The following PTPRM variants were observed in gnomAD, a reference collection of about 807,000 sequenced individuals.
PTPRM encodes receptor-type tyrosine-protein phosphatase mu.
Under a neutral mutation model 186.7 loss-of-function variants are expected in PTPRM, and 47 were observed. That is an observed-to-expected ratio of 0.25 (90% CI 0.20 to 0.32). The LOEUF is 0.32. PTPRM is among the 10% of genes least tolerant of loss of function. The pLI is 1.00. For missense variants in PTPRM, 1,494 were observed against 1,865.0 expected, an observed-to-expected ratio of 0.80 and a Z score of 3.66; for synonymous variants, 668 against 674.9, an observed-to-expected ratio of 0.99 and a Z score of 0.16.
intron 3 of PTPRM, among the ~76,000 whole-genome samples, chr18:7,895,427 C>G (rs1197729641): frequency 6.6e-6 from 1 of 152,160 alleles, no homozygotes; most frequent in Non-Finnish European, 1.5e-5. Context: ...GGAACAAATC[C>G]TTTTGTGGAA....
chr18:8,222,451 A>T (rs539992336), intron 14 of PTPRM, among the ~76,000 whole-genome samples: 6 of 152,210 alleles, frequency 3.9e-5, no homozygotes, highest in African/African-American at 1.2e-4. Context: ...TGTCAAGCAT[A>T]TGAGGAAACC....
intron 1 of PTPRM, among the ~76,000 whole-genome samples, chr18:7,723,467 G>T (rs1161062599): frequency 2.0e-5 from 3 of 152,162 alleles, no homozygotes; most frequent in Non-Finnish European, 4.4e-5. Flanking sequence ...TGGCTGGTGT[G>T]AGTGCCCGAG....
chr18:8,119,742 G>T (rs915882403), intron 13 of PTPRM, among the ~76,000 whole-genome samples: 2 of 152,086 alleles, frequency 1.3e-5, no homozygotes, highest in Non-Finnish European at 2.9e-5. Context: ...TTAGGTAAAT[G>T]CTGGCTCAAC....
intron 14 of PTPRM, among the ~76,000 whole-genome samples, chr18:8,162,027 T>C (rs1452265005): frequency 6.6e-6 from 1 of 152,218 alleles, no homozygotes; most frequent in Non-Finnish European, 1.5e-5. Flanking sequence ...TGGACTCTTG[T>C]TGAGCCTCAG....
chr18:8,234,211 CAT>C (rs945449728), intron 14 of PTPRM, among the ~76,000 whole-genome samples: 3 of 152,136 alleles, frequency 2.0e-5, no homozygotes, highest in Non-Finnish European at 4.4e-5. Flanking sequence ...GAAGAATTGA[CAT>C]GTGGACAATA....
At chr18:8,194,282 T>A (rs1238436206) in intron 14 of PTPRM, among the ~76,000 whole-genome samples, 1 of 152,200 alleles carries the variant, frequency 6.6e-6, no homozygotes, top group Non-Finnish European at 1.5e-5. Flanking sequence ...TCCATAATGG[T>A]TTTGTAGTAA....
chr18:8,057,455 CT>C (rs536872014), intron 7 of PTPRM, among the ~76,000 whole-genome samples: 8,705 of 77,818 alleles, frequency 0.11, 361 homozygotes, highest in Middle Eastern at 0.35. Context: ...TTTAGCTATT[CT>C]TTTTTTTTTA....
At chr18:8,113,382 G>T (rs2091837854) in intron 11 of PTPRM, 104 bp from the exon 12 acceptor site, 3 of 1,044,798 alleles carry the variant, frequency 2.9e-6, no homozygotes, top group East Asian at 2.4e-5. Context: ...ACTGCGTCCA[G>T]TGTGTTCTTT....
intron 4 of PTPRM, among the ~76,000 whole-genome samples, chr18:7,907,612 G>A (rs768318660): frequency 2.6e-5 from 4 of 152,146 alleles, no homozygotes; most frequent in Admixed American, 6.5e-5. Context: ...CAGGGTGAGC[G>A]AGCTAGATCA....
intron 6 of PTPRM, 22 bp downstream of exon 6, chr18:7,949,377 C>G: frequency 6.3e-7 from 1 of 1,578,222 alleles, no homozygotes; most frequent in Non-Finnish European, 8.7e-7. Context: ...GTTTTTATAC[C>G]AGAATATTCT....
chr18:7,962,964 G>C (rs921371227), intron 7 of PTPRM, among the ~76,000 whole-genome samples: 5 of 152,220 alleles, frequency 3.3e-5, no homozygotes, highest in Non-Finnish European at 7.3e-5. Flanking sequence ...TAATTGAGTG[G>C]AGCATAATTT....
At chr18:7,683,488 A>G (rs2039526360) in intron 1 of PTPRM, among the ~76,000 whole-genome samples, 1 of 152,086 alleles carries the variant, frequency 6.6e-6, no homozygotes, top group African/African-American at 2.4e-5. Context: ...CACCATTCTT[A>G]ACTGTAACCA....
chr18:7,748,283 GT>G (rs779685580), intron 1 of PTPRM, among the ~76,000 whole-genome samples: 2 of 152,234 alleles, frequency 1.3e-5, no homozygotes, highest in Admixed American at 6.5e-5. Context: ...GTCACTTTGA[GT>G]TTAAAGAGTT....
chr18:8,345,890 T>C (rs920478300), intron 23 of PTPRM, among the ~76,000 whole-genome samples: 13 of 151,988 alleles, frequency 8.6e-5, no homozygotes, highest in Non-Finnish European at 1.9e-4. Flanking sequence ...AAGCCCAACA[T>C]ATTAAGGAAT....
chr18:7,958,610 G>T (rs2147148931), intron 7 of PTPRM, among the ~76,000 whole-genome samples: 1 of 152,276 alleles, frequency 6.6e-6, no homozygotes, highest in South Asian at 2.1e-4. Context: ...GATCTCTTCA[G>T]TATGAAATTC....
At chr18:7,866,195 G>T (rs570176064) in intron 2 of PTPRM, among the ~76,000 whole-genome samples, 1 of 151,966 alleles carries the variant, frequency 6.6e-6, no homozygotes, top group Non-Finnish European at 1.5e-5. Flanking sequence ...TTTCAGTTCT[G>T]CTCTGATCGT....
At chr18:8,180,632 G>A (rs773201879) in intron 14 of PTPRM, among the ~76,000 whole-genome samples, 8 of 152,174 alleles carry the variant, frequency 5.3e-5, no homozygotes, top group Non-Finnish European at 8.8e-5. Context: ...GGGGCTGCAT[G>A]TACACTGTGT....
At chr18:8,213,637 T>C (rs1045385705) in intron 14 of PTPRM, among the ~76,000 whole-genome samples, 10 of 152,130 alleles carry the variant, frequency 6.6e-5, no homozygotes, top group Non-Finnish European at 1.3e-4. Flanking sequence ...GAAGGGCACA[T>C]GAAAGCTCTG....
At chr18:7,651,663 A>C (rs1217161437) in intron 1 of PTPRM, among the ~76,000 whole-genome samples, 1 of 152,082 alleles carries the variant, frequency 6.6e-6, no homozygotes, top group African/African-American at 2.4e-5. Context: ...AGGATTCCCT[A>C]TTTAATAAAT....
Sources: allele counts gnomAD v4.1 joint callset (sites outside exome capture counted in the v4.1 genomes callset), GRCh38; gene constraint gnomAD v4.1.1; transcripts MANE v1.5; gene names NCBI Gene and HGNC (gene_info 2026-07-23, HGNC 2026-07-21).